WNT2B: variants seen among roughly 807,000 people sequenced by gnomAD.
WNT2B encodes the protein Wnt family member 2B, also known as protein Wnt-2b.
A neutral mutation model predicts 40.5 loss-of-function variants in WNT2B; 19 were observed. The ratio of observed to expected loss-of-function variants is 0.47; its 90% confidence interval spans 0.33 to 0.69. The LOEUF (loss-of-function observed/expected upper bound fraction) is 0.69, where lower values mean the gene tolerates loss of function less well. Ranked by LOEUF, WNT2B falls within the 30% of genes least tolerant of loss-of-function variation. The pLI is 0.02. For synonymous variants in WNT2B, 220 were observed against 211.9 expected, an observed-to-expected ratio of 1.04 and a Z score of -0.33; for missense variants, 467 against 556.4, an observed-to-expected ratio of 0.84 and a Z score of 1.62.
intron 1 of WNT2B, among the ~76,000 whole-genome samples, chr1:112,511,644 CCTCT>C (rs747761311): frequency 6.6e-6 from 1 of 152,176 alleles, no homozygotes; most frequent in African/African-American, 2.4e-5. Flanking sequence ...CACTGCCCTC[CCTCT>C]ATCTATCCTA....
At chr1:112,502,266 C>T (rs351363) in intron 1 of WNT2B, among the ~76,000 whole-genome samples, 79,237 of 152,020 alleles carry the variant, frequency 0.52, 22,998 homozygotes, top group South Asian at 0.7. Context: ...AGCTGCCCGT[C>T]CCTGCTGAAA....
intron 1 of WNT2B, chr1:112,490,931 C>T (rs1183612687): frequency 1.4e-6 from 2 of 1,413,094 alleles, no homozygotes; most frequent in Admixed American, 1.8e-5. Flanking sequence ...CTAAATAAAT[C>T]TACAAATCAC....
chr1:112,505,961 C>G (rs1652093325), upstream of WNT2B, among the ~76,000 whole-genome samples: 1 of 152,104 alleles, frequency 6.6e-6, no homozygotes, highest in Admixed American at 6.5e-5. Context: ...GCTGTACCCC[C>G]CTCACCCCTC....
Position 112,509,144 on chromosome 1 carries a change from C to T in WNT2B, c.-119C>T. On this transcript the variant is annotated 5_prime_UTR_variant, in exon 1 of 5. Coordinates refer to ENST00000369684, the MANE Select transcript of WNT2B (RefSeq NM_024494.3). This position sits in a 1 kb window ranked among gnomAD's most constrained non-coding sequence, Gnocchi z 4.2. ...CTGGACCCCAGGTGATCCTAGGTCC[C>T]CAGCCGCCGGCGAACACCATGGCCC... 7.3e-7 allele frequency: 1 copy of T among 1,376,680 alleles called. No individual in the cohort carries two copies. The highest frequency in any genetic ancestry group is 9.3e-7 in the Non-Finnish European group (1 of 1,074,044). 85.3% of individuals were successfully genotyped at this position (1,376,680 alleles called of 1,614,324 possible).
chr1:112,477,537 A>G (rs1651088628), intron 1 of WNT2B, among the ~76,000 whole-genome samples: 1 of 152,252 alleles, frequency 6.6e-6, no homozygotes, highest in Non-Finnish European at 1.5e-5. Context: ...AATTAACCCC[A>G]AAGAAATAGA....
upstream of WNT2B, among the ~76,000 whole-genome samples, chr1:112,507,887 C>A (rs1358633392): frequency 6.6e-6 from 1 of 152,216 alleles, no homozygotes; most frequent in Non-Finnish European, 1.5e-5. Flanking sequence ...AATTTTACTT[C>A]TGACGGAGGG....
Position 112,526,007 on chromosome 1 carries a change from C to A in WNT2B, c.*5498C>A, listed in dbSNP as rs541812577. 1.7e-5 allele frequency: 28 copies of A among 1,613,900 alleles called. No individual in the cohort carries two copies. Among genetic ancestry groups the A allele is most frequent in the Middle Eastern group, 1.6e-4 (1 of 6,084 alleles). ...TTTGTCCAAGGTCACATGAACAGTG[C>A]GTGGCTCAGCCAGAACTCAAACCTA... is the stretch of plus-strand genomic sequence containing the variant. On this transcript the variant is annotated 3_prime_UTR_variant, in exon 5 of 5. Coordinates refer to ENST00000369684, the MANE Select transcript of WNT2B (RefSeq NM_024494.3).
intron 3 of WNT2B, 98 bp from the exon 4 acceptor site, chr1:112,517,023 C>A: frequency 6.6e-7 from 1 of 1,508,658 alleles, no homozygotes; most frequent in South Asian, 1.3e-5. Context: ...AGGGCCAGGT[C>A]CAGCCTATCT....
In WNT2B at chr1:112,521,503, G is replaced by A. The variant is rs527472917; in HGVS notation, c.*994G>A. The A allele has an allele frequency of 6.6e-6, 1 of 152,328 alleles. No individual in the cohort carries two copies. Among genetic ancestry groups the A allele is most frequent in the African/African-American group, 2.4e-5 (1 of 41,496 alleles). 9.4% of individuals were successfully genotyped at this position (152,328 alleles called of 1,614,324 possible). ...TATATTAGGCAGGTAGGGATCTCTG[G>A]CTTTGGTAATTCTTTATGAGAGGAT... On this transcript the variant is annotated 3_prime_UTR_variant, in exon 5 of 5. Coordinates refer to ENST00000369684, the MANE Select transcript of WNT2B (RefSeq NM_024494.3).
chr1:112,493,495 G>A (rs1049287566), intron 1 of WNT2B, among the ~76,000 whole-genome samples: 1 of 152,070 alleles, frequency 6.6e-6, no homozygotes, highest in Admixed American at 6.6e-5. Flanking sequence ...GGTGGTGCAC[G>A]CTTGTGGTCC....
At chr1:112,494,026 C>T (rs79832592) in intron 1 of WNT2B, among the ~76,000 whole-genome samples, 21,236 of 151,860 alleles carry the variant, frequency 0.14, 2,035 homozygotes, top group East Asian at 0.39. Context: ...AGTACATCTA[C>T]CGGCCAGGCG....
rs999588042 is a variant in WNT2B, at chr1:112,526,725, G to C, written c.*6216G>C. The stretch of plus-strand genomic sequence containing the variant: ...ACTGCACTCCAGCCTGGGAGACAGA[G>C]CGAGACTCCGTCACAAAAAAAAAAA... On this transcript the variant is annotated 3_prime_UTR_variant, in exon 5 of 5. Transcript: ENST00000369684. 6.9e-6 allele frequency: 1 copy of C among 144,082 alleles called. No individual in the cohort carries two copies. Among genetic ancestry groups the C allele is most frequent in the Non-Finnish European group, 1.5e-5 (1 of 66,180 alleles). The allele number at this position is 144,082 out of a possible 1,614,324, so 8.9% of individuals were successfully genotyped here. A position where few individuals can be genotyped will look rare whatever the true frequency, so the allele number is the denominator to read the frequency against.
intron 1 of WNT2B, among the ~76,000 whole-genome samples, chr1:112,513,413 C>T (rs1488358741): frequency 2.0e-5 from 3 of 152,194 alleles, no homozygotes; most frequent in Non-Finnish European, 4.4e-5. Context: ...TCACCCCTTC[C>T]CCGGGACAGA....
Position 112,468,727 on chromosome 1 carries a change from G to C in WNT2B, c.-95+1136G>C, listed in dbSNP as rs549929460. On this transcript the variant is annotated intron_variant, in intron 1 of 4. Transcript: ENST00000256640. ...TAGTCACCTGTTGCATGAGTAGTTA[G>C]CAAATATTTTCTCCCATTCAAGAGG... 5.9e-5 allele frequency among the ~76,000 whole-genome samples: 9 copies of C among 152,126 alleles called. No individual in the cohort carries two copies. The South Asian group carries it at 1.5e-3, about 25-fold the overall frequency.
At chr1:112,468,208 G>A (rs571128011) in intron 1 of WNT2B, among the ~76,000 whole-genome samples, 5 of 152,110 alleles carry the variant, frequency 3.3e-5, no homozygotes, top group East Asian at 1.9e-4. Flanking sequence ...TCATTCATCC[G>A]TTGATGGACA....
intron 1 of WNT2B, among the ~76,000 whole-genome samples, chr1:112,474,059 T>A: frequency 2.0e-5 from 1 of 49,526 alleles, no homozygotes. Context: ...AGAGAGACTC[T>A]GTCTCAAAAA....
chr1:112,512,390 G>A (rs1329252779), intron 1 of WNT2B, among the ~76,000 whole-genome samples: 1 of 152,238 alleles, frequency 6.6e-6, no homozygotes, highest in East Asian at 1.9e-4. Context: ...GTGAAATGCA[G>A]ATTCTGTTAC....
intron 1 of WNT2B, among the ~76,000 whole-genome samples, chr1:112,474,919 C>T (rs140569018): frequency 4.5e-4 from 68 of 152,108 alleles, no homozygotes; most frequent in African/African-American, 1.5e-3. Flanking sequence ...CTCTCTCTTG[C>T]TCCTGCTTTG....
chr1:112,477,822 A>AT (rs1651098024), intron 1 of WNT2B, among the ~76,000 whole-genome samples: 1 of 152,240 alleles, frequency 6.6e-6, no homozygotes, highest in South Asian at 2.1e-4. Context: ...AAGACACATC[A>AT]TTTGAAATTA....
Sources: gnomAD v4.1 joint callset for allele counts (sites outside exome capture counted in the v4.1 genomes callset) on GRCh38, gnomAD v4.1.1 for gene constraint, Gnocchi (gnomAD v3.1) non-coding constraint, MANE v1.5 for transcripts, NCBI Gene and HGNC (gene_info 2026-07-23, HGNC 2026-07-21) for gene names.